The following RTKN2 variants were observed in gnomAD, a reference collection of about 807,000 sequenced individuals.
The protein encoded by RTKN2 is rhotekin 2, also known as rhotekin-2.
In RTKN2, 69 loss-of-function variants were observed where a neutral mutation model predicts 71.5. The observed-to-expected ratio is 0.96, with a 90% CI of 0.79 to 1.18. RTKN2 has a LOEUF of 1.18. RTKN2 is among the 50% of genes most tolerant of loss of function. RTKN2 has a pLI of 0.00. For synonymous variants in RTKN2, 236 were observed against 236.5 expected (o/e 1.00, Z 0.02); for missense variants, 724 against 719.7 (o/e 1.01, Z -0.07).
intron 9 of RTKN2, 33 bp from the exon 10 acceptor site, chr10:62,205,055 T>G: frequency 1.3e-6 from 2 of 1,540,482 alleles, no homozygotes; most frequent in Admixed American, 4.3e-5. Flanking sequence ...GGGTTTTGCA[T>G]GAGAAAATTT....
chr10:62,214,869 T>A (rs779092448), intron 9 of RTKN2, among the ~76,000 whole-genome samples: 9 of 152,112 alleles, frequency 5.9e-5, no homozygotes, highest in Non-Finnish European at 1.2e-4. Context: ...AAACAGTCCA[T>A]GAATTTTTAT....
At chr10:62,214,553 G>C (rs2132872037) in intron 9 of RTKN2, among the ~76,000 whole-genome samples, 1 of 152,174 alleles carries the variant, frequency 6.6e-6, no homozygotes, top group South Asian at 2.1e-4. Context: ...GGTCAATTCA[G>C]TCAGGCCATA....
intron 6 of RTKN2, among the ~76,000 whole-genome samples, chr10:62,225,926 C>T (rs561968644): frequency 1.3e-5 from 2 of 151,956 alleles, no homozygotes; most frequent in South Asian, 2.1e-4. Flanking sequence ...GGACTACAGG[C>T]GCCCGCCACC....
At chr10:62,210,518 A>G (rs771440796) in intron 9 of RTKN2, among the ~76,000 whole-genome samples, 19 of 152,210 alleles carry the variant, frequency 1.2e-4, no homozygotes, top group Non-Finnish European at 2.4e-4. Flanking sequence ...TGTAATGCAG[A>G]TATCTCACAT....
intron 3 of RTKN2, 67 bp from the exon 4 acceptor site, chr10:62,241,262 G>A (rs527550061): frequency 3.4e-6 from 3 of 874,198 alleles, no homozygotes; most frequent in Non-Finnish European, 5.6e-6. Flanking sequence ...ACAGTGACCT[G>A]AACCTCTGCA....
downstream of RTKN2, among the ~76,000 whole-genome samples, chr10:62,190,080 T>C (rs7072782): frequency 0.91 from 137,862 of 152,104 alleles, 62,603 homozygotes; most frequent in East Asian, 1. Flanking sequence ...TATGCTCAAA[T>C]GTTCCTTCAA....
intron 9 of RTKN2, among the ~76,000 whole-genome samples, chr10:62,207,265 C>T (rs976471453): frequency 5.3e-5 from 8 of 151,824 alleles, no homozygotes; most frequent in African/African-American, 1.7e-4. Context: ...GAATATAATG[C>T]AAAAATATAT....
Position 62,262,839 on chromosome 10 carries a change from C to G in RTKN2, c.61-18G>C. The G allele has an allele frequency of 6.4e-7, 1 of 1,562,848 alleles. No individual in the cohort carries two copies. Among genetic ancestry groups the G allele is most frequent in the Non-Finnish European group, 8.7e-7 (1 of 1,147,028 alleles). The stretch of plus-strand genomic sequence containing the variant: ...TTGCAGTCCTAAAAAAAAAATGCAT[C>G]TTGAAAATATAGCAAAAACCCAAAA... On this transcript the variant is annotated intron_variant, in intron 1 of 11. Coordinates refer to ENST00000373789, the MANE Select transcript of RTKN2 (RefSeq NM_145307.4).
chr10:62,184,294 C>G, exon 9 of RTKN2: 1 of 1,425,970 alleles, frequency 7.0e-7, no homozygotes, highest in South Asian at 1.3e-5. Flanking sequence ...AAATTTTTCA[C>G]ACTGGTTCTA....
intron 9 of RTKN2, among the ~76,000 whole-genome samples, chr10:62,208,306 T>C (rs1400821595): frequency 6.6e-6 from 1 of 152,164 alleles, no homozygotes; most frequent in African/African-American, 2.4e-5. Context: ...ACCCAGATTA[T>C]GGTCTCTAAA....
intron 5 of RTKN2, 60 bp from the exon 6 acceptor site, chr10:62,236,323 C>T: frequency 9.1e-7 from 1 of 1,093,244 alleles, no homozygotes; most frequent in Non-Finnish European, 1.3e-6. Flanking sequence ...AAAATTATAC[C>T]ATTCTTTTAT....
At chr10:62,249,488 T>A (rs1842540335) in intron 2 of RTKN2, among the ~76,000 whole-genome samples, 1 of 151,924 alleles carries the variant, frequency 6.6e-6, no homozygotes, top group Non-Finnish European at 1.5e-5. Flanking sequence ...GGGCGTCTAC[T>A]TTGTTCAGTG....
intron 3 of RTKN2, among the ~76,000 whole-genome samples, chr10:62,243,261 T>G (rs1265441846): frequency 6.6e-6 from 1 of 151,848 alleles, no homozygotes; most frequent in Non-Finnish European, 1.5e-5. Flanking sequence ...TTATTTTAGC[T>G]AGAACTTCTA....
rs1841407494 is a variant in RTKN2 at position 62,200,004 on chromosome 10, G to A, written c.1187-143C>T. On this transcript the variant is annotated intron_variant, in intron 10 of 11. Coordinates refer to ENST00000373789, the MANE Select transcript of RTKN2 (RefSeq NM_145307.4). The stretch of plus-strand genomic sequence containing the variant: ...TAAAGCACTGCGTTAAGGGAGGCTT[G>A]CAGAAAAACCTAATACTATCCATAA... 3 of 554,878 alleles carry A rather than the reference G, an allele frequency of 5.4e-6. No individual in the cohort carries two copies. In the African/African-American group the frequency reaches 5.7e-5, roughly 10 times the overall value. The allele number at this position is 554,878 out of a possible 1,614,324, so 34.4% of individuals were successfully genotyped here. A position where few individuals can be genotyped will look rare whatever the true frequency, so the allele number is the denominator to read the frequency against.
Position 62,193,795 on chromosome 10 carries a change from T to G in RTKN2, c.*4113A>C, listed in dbSNP as rs1564494985. On this transcript the variant is annotated 3_prime_UTR_variant, in exon 12 of 12. Transcript: ENST00000373789. ...AAAGTAAGGTTATGTCAATGGATTT[T>G]TAAAAGAGTATACTTTAAGAAGGAT... is the stretch of plus-strand genomic sequence containing the variant. 1 of 983,302 alleles carries G rather than the reference T, an allele frequency of 1.0e-6. No individual in the cohort carries two copies. The highest frequency in any genetic ancestry group is 6.2e-5 in the Admixed American group (1 of 16,260). The allele number at this position is 983,302 out of a possible 1,614,324, so 60.9% of individuals were successfully genotyped here.
intron 1 of RTKN2, among the ~76,000 whole-genome samples, chr10:62,264,052 A>AC (rs750285744): frequency 3.3e-5 from 5 of 152,166 alleles, no homozygotes; most frequent in South Asian, 4.1e-4. Flanking sequence ...ACATAAAGTG[A>AC]CCATCCTAGT....
chr10:62,197,704 G>A lies in RTKN2; in HGVS notation c.*204C>T. 7.2e-7 allele frequency: 1 copy of A among 1,395,776 alleles called. No individual in the cohort carries two copies. The highest frequency in any genetic ancestry group is 2.7e-5 in the East Asian group (1 of 37,572). 86.5% of individuals were successfully genotyped at this position (1,395,776 alleles called of 1,614,324 possible). On this transcript the variant is annotated 3_prime_UTR_variant, in exon 12 of 12. Coordinates refer to ENST00000373789, the MANE Select transcript of RTKN2 (RefSeq NM_145307.4). ...TAGAAACTGCCTCTTGCACACTGCT[G>A]GAGAAATCACTTACATTCTGCAAAT... is the stretch of plus-strand genomic sequence containing the variant.
downstream of RTKN2, among the ~76,000 whole-genome samples, chr10:62,189,643 T>C (rs1445562932): frequency 6.6e-6 from 1 of 152,124 alleles, no homozygotes; most frequent in Non-Finnish European, 1.5e-5. Flanking sequence ...CTGGCTAACA[T>C]GGTGAAACCC....
chr10:62,206,777 G>A (rs1179914717), intron 9 of RTKN2, among the ~76,000 whole-genome samples: 1 of 151,894 alleles, frequency 6.6e-6, no homozygotes, highest in Non-Finnish European at 1.5e-5. Context: ...ACACTTCTAT[G>A]TCTTGGTAAT....
Sources: gnomAD v4.1 joint callset for allele counts (sites outside exome capture counted in the v4.1 genomes callset) on GRCh38, gnomAD v4.1.1 for gene constraint, MANE v1.5 for transcripts, NCBI Gene and HGNC (gene_info 2026-07-23, HGNC 2026-07-21) for gene names.